NKAIN2: variants seen among roughly 807,000 people sequenced by gnomAD.
The protein encoded by NKAIN2 is sodium/potassium-transporting ATPase subunit beta-1-interacting protein 2.
NKAIN2 carries 14 observed loss-of-function variants against 32.6 expected under a neutral mutation model. The observed-to-expected ratio is 0.43, with a 90% CI of 0.28 to 0.67. The LOEUF is 0.67. Among genes scored for constraint, NKAIN2 ranks in the 30% least tolerant of loss-of-function variants. NKAIN2 has a pLI of 0.17. For synonymous variants in NKAIN2, 80 were observed against 87.2 expected (o/e 0.92, Z 0.46); for missense variants, 198 against 258.3 (o/e 0.77, Z 1.60).
At chr6:124,280,054 AG>A (rs1795220138) in intron 1 of NKAIN2, among the ~76,000 whole-genome samples, 1 of 152,200 alleles carries the variant, frequency 6.6e-6, no homozygotes, top group Non-Finnish European at 1.5e-5. Flanking sequence ...CAAGCATGAA[AG>A]GGATGTACAC....
At chr6:124,378,191 T>C (rs966408973) in intron 3 of NKAIN2, among the ~76,000 whole-genome samples, 1 of 152,148 alleles carries the variant, frequency 6.6e-6, no homozygotes, top group African/African-American at 2.4e-5. Flanking sequence ...GGCTGCACTT[T>C]TACTATTTGT....
intron 1 of NKAIN2, among the ~76,000 whole-genome samples, chr6:124,159,516 T>C (rs908432679): frequency 6.6e-6 from 1 of 152,190 alleles, no homozygotes; most frequent in Non-Finnish European, 1.5e-5. Context: ...TCTCTGTATG[T>C]ATTGATTAGG....
chr6:124,339,160 G>A (rs937842381), intron 2 of NKAIN2, among the ~76,000 whole-genome samples: 4 of 152,126 alleles, frequency 2.6e-5, no homozygotes, highest in Admixed American at 6.5e-5. Flanking sequence ...GGCCAACATG[G>A]TGAAACCCTA....
At chr6:123,974,585 A>C (rs931664032) in intron 1 of NKAIN2, among the ~76,000 whole-genome samples, 11 of 152,140 alleles carry the variant, frequency 7.2e-5, no homozygotes. Flanking sequence ...AGCCTGCTGT[A>C]TTGGCACATT....
intron 4 of NKAIN2, among the ~76,000 whole-genome samples, chr6:124,767,470 A>G (rs1778562076): frequency 6.6e-6 from 1 of 152,060 alleles, no homozygotes; most frequent in African/African-American, 2.4e-5. Flanking sequence ...CTTTACTCTT[A>G]AGATGGGGAA....
chr6:124,238,150 A>G (rs2114760950), intron 1 of NKAIN2, among the ~76,000 whole-genome samples: 1 of 152,172 alleles, frequency 6.6e-6, no homozygotes, highest in Non-Finnish European at 1.5e-5. Context: ...CTGAGGGGGT[A>G]GATGGATAAA....
intron 1 of NKAIN2, among the ~76,000 whole-genome samples, chr6:123,923,260 T>C (rs1231546853): frequency 2.6e-5 from 4 of 152,186 alleles, no homozygotes. Flanking sequence ...GTGAATGAAA[T>C]TAAAGCAGAT....
At chr6:124,590,541 C>G (rs1781873206) in intron 3 of NKAIN2, among the ~76,000 whole-genome samples, 1 of 152,172 alleles carries the variant, frequency 6.6e-6, no homozygotes, top group South Asian at 2.1e-4. Context: ...GGATACTGCC[C>G]TTTGCTTTGC....
chr6:123,916,498 A>G (rs1775503623), intron 1 of NKAIN2, among the ~76,000 whole-genome samples: 1 of 152,078 alleles, frequency 6.6e-6, no homozygotes, highest in South Asian at 2.1e-4. Flanking sequence ...CCCTGACCTC[A>G]AGGGATCTGC....
At position 124,364,685 on chromosome 6, in the gene NKAIN2, C is replaced by T. The variant is rs956124958; in HGVS notation, c.273+9338C>T. 3.3e-5 allele frequency among the ~76,000 whole-genome samples: 5 copies of T among 151,282 alleles called. No individual in the cohort carries two copies. In the South Asian group the frequency reaches 8.3e-4, roughly 25 times the overall value. On this transcript the variant is annotated intron_variant, in intron 3 of 6. Transcript: ENST00000368417. Reference sequence around the variant, plus strand: ...GAAATGAAAGCATTTTTCAACAACACGTAAGATAAATAATTACTAGCAAAC... The same window carrying T: ...GAAATGAAAGCATTTTTCAACAACATGTAAGATAAATAATTACTAGCAAAC...
chr6:124,048,522 T>C (rs921199956), intron 1 of NKAIN2, among the ~76,000 whole-genome samples: 5 of 152,086 alleles, frequency 3.3e-5, no homozygotes, highest in Admixed American at 2.0e-4. Context: ...GAATTTTCTT[T>C]AATGACTACT....
intron 3 of NKAIN2, among the ~76,000 whole-genome samples, chr6:124,482,672 T>A (rs1395392739): frequency 1.3e-5 from 2 of 152,264 alleles, no homozygotes; most frequent in African/African-American, 4.8e-5. Flanking sequence ...TTTTCTATAC[T>A]TAAAAATCAT....
intron 5 of NKAIN2, among the ~76,000 whole-genome samples, chr6:124,816,940 T>A (rs1781193784): frequency 6.6e-6 from 1 of 152,208 alleles, no homozygotes; most frequent in Admixed American, 6.5e-5. Context: ...TAGAATTGAC[T>A]GTTCCAGTTA....
At chr6:124,261,783 C>T (rs1794260658) in intron 1 of NKAIN2, among the ~76,000 whole-genome samples, 1 of 151,566 alleles carries the variant, frequency 6.6e-6, no homozygotes, top group Admixed American at 6.6e-5. Flanking sequence ...TTTCTTGAAT[C>T]CGGGAGGCAG....
intron 3 of NKAIN2, among the ~76,000 whole-genome samples, chr6:124,377,349 C>T (rs1018013900): frequency 9.9e-5 from 15 of 152,128 alleles, no homozygotes; most frequent in Admixed American, 3.9e-4. Flanking sequence ...GTAAGCAAGC[C>T]AGACCCAGGT....
At chr6:124,497,131 A>G (rs78540104) in intron 3 of NKAIN2, among the ~76,000 whole-genome samples, 2,145 of 152,256 alleles carry the variant, frequency 0.014, 54 homozygotes, top group African/African-American at 0.049. Flanking sequence ...TGATCTGAAA[A>G]CATATAAAAG....
chr6:123,874,140 T>A (rs1283355422), intron 1 of NKAIN2, among the ~76,000 whole-genome samples: 1 of 152,146 alleles, frequency 6.6e-6, no homozygotes, highest in Non-Finnish European at 1.5e-5. Context: ...CTGTCAGAAC[T>A]GGCTTACTGG....
At chr6:124,093,965 C>T (rs1010300702) in intron 1 of NKAIN2, among the ~76,000 whole-genome samples, 1 of 152,052 alleles carries the variant, frequency 6.6e-6, no homozygotes, top group African/African-American at 2.4e-5. Flanking sequence ...CTTTTAAGGG[C>T]CTGATTTTAA....
intron 3 of NKAIN2, among the ~76,000 whole-genome samples, chr6:124,452,058 A>C (rs1396317560): frequency 6.6e-6 from 1 of 151,890 alleles, no homozygotes; most frequent in Non-Finnish European, 1.5e-5. Flanking sequence ...ATCCTGGTGC[A>C]GTGGTGTATG....
Sources: allele counts gnomAD v4.1 joint callset (sites outside exome capture counted in the v4.1 genomes callset), GRCh38; gene constraint gnomAD v4.1.1; transcripts MANE v1.5; gene names NCBI Gene and HGNC (gene_info 2026-07-23, HGNC 2026-07-21).